The following POLRMT variants were observed in gnomAD, a reference collection of about 807,000 sequenced individuals.
POLRMT encodes RNA polymerase mitochondrial, also known as DNA-directed RNA polymerase, mitochondrial.
POLRMT carries 114 observed loss-of-function variants against 132.2 expected under a neutral mutation model. The ratio of observed to expected loss-of-function variants is 0.86; its 90% CI spans 0.74 to 1.01. The LOEUF is 1.01. Ranked by LOEUF, POLRMT falls within the 50% of genes least tolerant of loss-of-function variation. POLRMT has a pLI of 0.00. For missense variants in POLRMT, 2,003 were observed against 1,729.1 expected (o/e 1.16, Z -2.81); for synonymous variants, 1,020 against 773.4 (o/e 1.32, Z -5.29).
In POLRMT at chr19:633,491, G is replaced by T. The variant is rs1343148435; in HGVS notation, c.22C>A (p.Arg8Ser). ...GCTCGTTTGAGCCCCGCCGCTCCGCGGCCCCAGCAAAGTGCCGACATTACG... is the reference window on the plus strand; with the variant it reads ...GCTCGTTTGAGCCCCGCCGCTCCGCTGCCCCAGCAAAGTGCCGACATTACG... MSALCWG[R>S]GAAGLKRALR... The change falls in exon 1 of 21, where the codon CGC (arginine) becomes AGC (serine). Residue 8 changes from arginine to serine, a missense_variant. Physicochemically the swap from Arg to Ser is moderately radical, Grantham distance 110. Coordinates refer to ENST00000588649, the MANE Select transcript of POLRMT (RefSeq NM_005035.4). 5 of 1,518,246 alleles carry T rather than the reference G, an allele frequency of 3.3e-6. No homozygotes were observed. In the African/African-American group the frequency reaches 7.6e-5, roughly 23 times the overall value. The allele number at this position is 1,518,246 out of a possible 1,614,324, so 94.0% of individuals were successfully genotyped here.
rs555412285 is a variant in POLRMT at position 620,174 on chromosome 19, C to G, written c.2764-94G>C. 29 of 1,498,048 alleles carry G rather than the reference C, an allele frequency of 1.9e-5. No individual in the cohort carries two copies. In the South Asian group the frequency reaches 3.5e-4, roughly 18 times the overall value. 92.8% of individuals were successfully genotyped at this position (1,498,048 alleles called of 1,614,324 possible). ...CCCCAGGTCGAGCCGTTCCTAGGGCCGTGCACCCCCCAGCCAAGTGCACCG... is the reference window on the plus strand; with the variant it reads ...CCCCAGGTCGAGCCGTTCCTAGGGCGGTGCACCCCCCAGCCAAGTGCACCG... On this transcript the variant is annotated intron_variant, in intron 11 of 20. Transcript: ENST00000588649.
chr19:620,960 G>A (rs1277713986), intron 10 of POLRMT, 98 bp downstream of exon 10: 1 of 486,158 alleles, frequency 2.1e-6, no homozygotes, highest in Non-Finnish European at 2.9e-6. Context: ...GGAGGAAGAC[G>A]GGCAGGGGGC....
rs1238255410 is a variant in POLRMT, at chr19:620,099, A to T, written c.2764-19T>A. ...AGCCGTCCTGAGGAAGGGGCGGCAA[A>T]CGGGAGATGGAAGCTAGAGAGGCAG... On this transcript the variant is annotated intron_variant, in intron 11 of 20. Coordinates refer to ENST00000588649, the MANE Select transcript of POLRMT (RefSeq NM_005035.4). 2.0e-6 allele frequency: 3 copies of T among 1,535,916 alleles called. No homozygotes were observed. In the African/African-American group the frequency reaches 4.1e-5, roughly 21 times the overall value.
At chr19:625,991 G>A (rs139409028) in intron 3 of POLRMT, among the ~76,000 whole-genome samples, 73 of 150,636 alleles carry the variant, frequency 4.8e-4, no homozygotes, top group African/African-American at 1.6e-3. Flanking sequence ...GTGCACCACC[G>A]CGCCCGGCCA....
intron 3 of POLRMT, among the ~76,000 whole-genome samples, chr19:625,970 G>A (rs950289487): frequency 1.3e-5 from 2 of 152,026 alleles, no homozygotes; most frequent in African/African-American, 4.8e-5. Context: ...CAAAGTGCTG[G>A]GATGACAGGT....
At chr19:619,839 C>T (rs1391915882) in intron 12 of POLRMT, 74 bp from the exon 13 acceptor site, 4 of 1,553,408 alleles carry the variant, frequency 2.6e-6, no homozygotes, top group Non-Finnish European at 3.5e-6. Context: ...CCCATGAAGC[C>T]CCCGCCCCAG....
chr19:623,580 C>A lies in POLRMT; in HGVS notation c.1164G>T (p.Lys388Asn). Residue 388 changes from lysine (K) to asparagine (N), a missense_variant, in exon 6 of 21, where the codon AAG (lysine) becomes AAT (asparagine). Coordinates refer to ENST00000588649, the MANE Select transcript of POLRMT (RefSeq NM_005035.4). Reference sequence around the variant, plus strand: ...GCAGGGTCTTCAAGGGCAGGTGCAGCTTCGGGTAGGACACACGCCCATCCT... The same window carrying A: ...GCAGGGTCTTCAAGGGCAGGTGCAGATTCGGGTAGGACACACGCCCATCCT... ...YAKDGRVSYP[K>N]LHLPLKTLQC... 2 of 1,613,682 alleles carry A rather than the reference C, an allele frequency of 1.2e-6. No homozygotes were observed. Among genetic ancestry groups the A allele is most frequent in the South Asian group, 2.2e-5 (2 of 91,084 alleles).
At position 617,553 on chromosome 19, in the gene POLRMT, G is replaced by A. The variant is rs201578372; in HGVS notation, c.3581+17C>T. On this transcript the variant is annotated intron_variant, in intron 19 of 20. Transcript: ENST00000588649. ...TGGGGGGGGAATCCAGGTAGTTGGG[G>A]TCAGGGAGCGCCTTACTCAGAGCAG... 15 of 1,610,938 alleles carry A rather than the reference G, an allele frequency of 9.3e-6. No homozygotes were observed. Among genetic ancestry groups the A allele is most frequent in the East Asian group, 2.2e-5 (1 of 44,894 alleles).
At position 618,913 on chromosome 19, in the gene POLRMT, G is replaced by GTGGTACGCTGGGGCAC. The variant is rs573863859; in HGVS notation, c.3267+68_3267+83dup. 172 of 1,353,670 alleles carry GTGGTACGCTGGGGCAC rather than the reference G, an allele frequency of 1.3e-4. No individual in the cohort carries two copies. The African/African-American group carries it at 2.4e-3, about 19-fold the overall frequency. 83.9% of individuals were successfully genotyped at this position (1,353,670 alleles called of 1,614,324 possible). On this transcript the variant is annotated intron_variant, in intron 15 of 20. Coordinates refer to ENST00000588649, the MANE Select transcript of POLRMT (RefSeq NM_005035.4). ...ACTGGGGCGGTGGTACACTGGGGTGGTGGTACGCTGGGGCACTGGTACACT... is the reference window on the plus strand; with the variant it reads ...ACTGGGGCGGTGGTACACTGGGGTGGTGGTACGCTGGGGCACTGGTACGCTGGGGCACTGGTACACT...
At chr19:627,625 G>C (rs1444957907) in intron 3 of POLRMT, among the ~76,000 whole-genome samples, 1 of 151,980 alleles carries the variant, frequency 6.6e-6, no homozygotes, top group Non-Finnish European at 1.5e-5. Flanking sequence ...CTACTGGATG[G>C]TGCTGGTTAG....
rs549647427 is a variant in POLRMT, at chr19:624,879, C to T, written c.980G>A (p.Gly327Glu). ...GGTGAAGAGTGCCTGCAGCTTCAGCCCCTCCTGGCTCATCTGTTCCAGACA... is the reference window on the plus strand; with the variant it reads ...GGTGAAGAGTGCCTGCAGCTTCAGCTCCTCCTGGCTCATCTGTTCCAGACA... ...ERCLEQMSQE[G>E]LKLQALFTAV... is the part of the protein sequence containing the mutation. Residue 327 changes from glycine (G) to glutamate (E), a missense_variant, in exon 5 of 21, where the codon GGG becomes GAG. By Grantham distance (98) the Gly-to-Glu change is moderately conservative (BLOSUM62 -2). Coordinates refer to ENST00000588649, the MANE Select transcript of POLRMT (RefSeq NM_005035.4). 102 of 1,612,580 alleles carry T rather than the reference C, an allele frequency of 6.3e-5. No individual in the cohort carries two copies. The Middle Eastern group carries it at 2.0e-3, about 31-fold the overall frequency.
At chr19:631,667 A>G (rs1351982118) in intron 2 of POLRMT, among the ~76,000 whole-genome samples, 1 of 152,180 alleles carries the variant, frequency 6.6e-6, no homozygotes, top group Non-Finnish European at 1.5e-5. Context: ...AAATAAAAAG[A>G]CAAGCGTGAT....
Position 630,075 on chromosome 19 carries a change from C to T in POLRMT, c.287G>A (p.Ser96Asn), listed in dbSNP as rs189184481. 8.6e-4 allele frequency: 1,385 copies of T among 1,613,818 alleles called. 18 individuals are homozygous for T. In the East Asian group the frequency reaches 0.028, roughly 33 times the overall value. Reference sequence around the variant, plus strand: ...GGGTGGCTGGAGGCTACCATCTCCACTGCCACATTCTGGGAGCCGCGCCAC... The same window carrying T: ...GGGTGGCTGGAGGCTACCATCTCCATTGCCACATTCTGGGAGCCGCGCCAC... ...VDVARLPECG[S>N]GDGSLQPPRK... The change falls in exon 3 of 21, where the codon AGT (serine) becomes AAT (asparagine). Residue 96 changes from serine to asparagine, a missense_variant. Transcript: ENST00000588649.
chr19:620,515 G>GAGGCCC (rs886887607), intron 10 of POLRMT, 28 bp from the exon 11 acceptor site: 28 of 1,539,368 alleles, frequency 1.8e-5, no homozygotes, highest in Non-Finnish European at 4.4e-6. Context: ...GGGGGGCAGT[G>GAGGCCC]AGGCCCGGGC....
chr19:629,444 A>C, intron 3 of POLRMT, 96 bp downstream of exon 3: 1 of 1,223,094 alleles, frequency 8.2e-7, no homozygotes, highest in Non-Finnish European at 1.1e-6. Flanking sequence ...AAAGGACTTG[A>C]ACCTGGGGGC....
At position 621,610 on chromosome 19, in the gene POLRMT, C is replaced by T. The variant is rs1235724936; in HGVS notation, c.2088G>A (p.Leu696=). The change falls in exon 10 of 21, where the codon CTG becomes CTA. Residue 696 remains leucine, a synonymous_variant. Coordinates refer to ENST00000588649, the MANE Select transcript of POLRMT (RefSeq NM_005035.4). ...TCPPTALHGA[L]DALTQLGNCA... is the part of the protein sequence containing the mutation. ...AGTTGCCCAGTTGGGTGAGGGCGTCCAGTGCGCCATGCAGCGCGGTGGGCG... is the reference window on the plus strand; with the variant it reads ...AGTTGCCCAGTTGGGTGAGGGCGTCTAGTGCGCCATGCAGCGCGGTGGGCG... 6 of 1,511,306 alleles carry T rather than the reference C, an allele frequency of 4.0e-6. No individual in the cohort carries two copies. Among genetic ancestry groups the T allele is most frequent in the African/African-American group, 1.4e-5 (1 of 72,088 alleles). The allele number at this position is 1,511,306 out of a possible 1,614,324, so 93.6% of individuals were successfully genotyped here. A position where few individuals can be genotyped will look rare whatever the true frequency, so the allele number is the denominator to read the frequency against.
chr19:618,651 C>T, intron 16 of POLRMT, 54 bp downstream of exon 16: 4 of 1,601,844 alleles, frequency 2.5e-6, no homozygotes, highest in Non-Finnish European at 3.4e-6. Context: ...GCTGTCTCCA[C>T]CGTGGCTGCT....
At position 621,855 on chromosome 19, in the gene POLRMT, C is replaced by G. The variant is rs529718589; in HGVS notation, c.1852-9G>C. 7 of 1,600,856 alleles carry G rather than the reference C, an allele frequency of 4.4e-6. No homozygotes were observed. Among genetic ancestry groups the G allele is most frequent in the Admixed American group, 3.3e-5 (2 of 59,944 alleles). On this transcript the variant is annotated splice_polypyrimidine_tract_variant and intron_variant, in intron 9 of 20. Coordinates refer to ENST00000588649, the MANE Select transcript of POLRMT (RefSeq NM_005035.4). ...GGCTTCAGGATGCCGATCTGGGGTG[C>G]GACAGGCAGACGGGTCAGGGCCCCG... is the stretch of plus-strand genomic sequence containing the variant.
rs770474669 is a variant in POLRMT, at chr19:618,791, C to T, written c.3268-31G>A. 8.3e-6 allele frequency: 13 copies of T among 1,571,670 alleles called. No homozygotes were observed. In the South Asian group the frequency reaches 1.5e-4, roughly 18 times the overall value. ...AAGGGGAAGGGGCCGGTGAGTCCCA[C>T]CCGAGGCCCAGCACGGTGGTGGTAC... On this transcript the variant is annotated intron_variant, in intron 15 of 20. Transcript: ENST00000588649.
Sources: gnomAD v4.1 joint callset for allele counts (sites outside exome capture counted in the v4.1 genomes callset) on GRCh38, gnomAD v4.1.1 for gene constraint, MANE v1.5 for transcripts, NCBI Gene and HGNC (gene_info 2026-07-23, HGNC 2026-07-21) for gene names.